The following TMEM51 variants were observed in gnomAD, a reference collection of about 807,000 sequenced individuals.
TMEM51 encodes transmembrane protein 51.
In TMEM51, 8 loss-of-function variants were observed where a neutral mutation model predicts 13.6. The observed-to-expected ratio is 0.59, with a 90% CI of 0.35 to 1.07. The LOEUF (loss-of-function observed/expected upper bound fraction) is 1.07, where lower values mean the gene tolerates loss of function less well. Ranked by LOEUF, TMEM51 falls within the 50% of genes least tolerant of loss-of-function variation. The pLI, the probability that TMEM51 is intolerant of heterozygous loss-of-function variation, is 0.02. For missense variants in TMEM51, 279 were observed against 330.7 expected (o/e 0.84, Z 1.21); for synonymous variants, 147 against 144.4 (o/e 1.02, Z -0.13).
chr1:15,164,224 T>C (rs1239590681), intron 1 of TMEM51: 1 of 404,268 alleles, frequency 2.5e-6, no homozygotes, highest in East Asian at 7.2e-5. Context: ...TTGATTTCGC[T>C]GGATTTCCCA....
At chr1:15,167,220 G>A (rs959922965) in intron 1 of TMEM51, among the ~76,000 whole-genome samples, 1 of 150,824 alleles carries the variant, frequency 6.6e-6, no homozygotes, top group African/African-American at 2.4e-5. Flanking sequence ...CCAGCTACTC[G>A]GGAAGCTGAG....
At chr1:15,156,970 C>G (rs1642611924) in intron 1 of TMEM51, among the ~76,000 whole-genome samples, 1 of 152,184 alleles carries the variant, frequency 6.6e-6, no homozygotes, top group Non-Finnish European at 1.5e-5. Flanking sequence ...GGTGGTGCAG[C>G]CTCCCCTGCC....
chr1:15,188,495 C>T (rs1179462068), intron 1 of TMEM51, among the ~76,000 whole-genome samples: 1 of 152,212 alleles, frequency 6.6e-6, no homozygotes, highest in Non-Finnish European at 1.5e-5. Context: ...CCAGGGCAGC[C>T]CAGCTCACCC....
intron 1 of TMEM51, among the ~76,000 whole-genome samples, chr1:15,202,814 G>C (rs74053442): frequency 6.6e-6 from 1 of 152,110 alleles, no homozygotes; most frequent in Non-Finnish European, 1.5e-5. Context: ...TGAAGACCAC[G>C]ATTCAGCCTC....
At chr1:15,202,530 G>A (rs1644175630) in intron 1 of TMEM51, among the ~76,000 whole-genome samples, 1 of 152,194 alleles carries the variant, frequency 6.6e-6, no homozygotes, top group Non-Finnish European at 1.5e-5. Flanking sequence ...AGGAGAGCAT[G>A]CGTCTTCTTG....
rs778573438 is a variant in TMEM51, at chr1:15,219,753, C to T, written c.*10C>T. ...CCGGCCGCCCGACTGAATGGCCCCA[C>T]TTGAGCCACGCTCCCTCCTGTCTCT... On this transcript the variant is annotated 3_prime_UTR_variant, in exon 4 of 4. Transcript: ENST00000376008. The T allele has an allele frequency of 6.2e-7, 1 of 1,610,794 alleles. No homozygotes were observed.
intron 1 of TMEM51, among the ~76,000 whole-genome samples, chr1:15,183,307 G>A (rs992928505): frequency 2.0e-5 from 3 of 152,176 alleles, no homozygotes; most frequent in East Asian, 1.9e-4. Flanking sequence ...CGTCATGTGC[G>A]TAATATGCTA....
intron 1 of TMEM51, among the ~76,000 whole-genome samples, chr1:15,160,904 T>C (rs1315984773): frequency 7.2e-6 from 1 of 138,702 alleles, no homozygotes; most frequent in Non-Finnish European, 1.6e-5. Flanking sequence ...GCAGCAGGGA[T>C]TGTACCTTAA....
intron 1 of TMEM51, chr1:15,192,425 A>C: frequency 7.3e-6 from 2 of 273,482 alleles, no homozygotes; most frequent in Non-Finnish European, 1.4e-5. Context: ...TGGCAGTGCT[A>C]CTTTTTTTCT....
chr1:15,212,415 C>T (rs547120452), intron 2 of TMEM51, among the ~76,000 whole-genome samples: 2 of 152,324 alleles, frequency 1.3e-5, no homozygotes, highest in South Asian at 4.1e-4. Flanking sequence ...GAATGGAGAA[C>T]GAATGAGGGC....
intron 1 of TMEM51, among the ~76,000 whole-genome samples, chr1:15,176,454 C>T (rs1447269885): frequency 6.6e-6 from 1 of 152,104 alleles, no homozygotes; most frequent in Non-Finnish European, 1.5e-5. Flanking sequence ...CTGGCCATGG[C>T]AGGAGGCTTC....
intron 1 of TMEM51, among the ~76,000 whole-genome samples, chr1:15,184,415 G>A (rs1573408009): frequency 6.6e-6 from 1 of 152,240 alleles, no homozygotes; most frequent in Non-Finnish European, 1.5e-5. Context: ...GGCAGAGGGT[G>A]GATCCAGGTC....
At chr1:15,193,780 C>G (rs1643989138) in intron 1 of TMEM51, among the ~76,000 whole-genome samples, 1 of 152,162 alleles carries the variant, frequency 6.6e-6, no homozygotes, top group South Asian at 2.1e-4. Flanking sequence ...TGGTCTCGAA[C>G]TCCTGACCTC....
chr1:15,176,994 G>A (rs1553199620), intron 1 of TMEM51, among the ~76,000 whole-genome samples: 1 of 152,230 alleles, frequency 6.6e-6, no homozygotes, highest in Non-Finnish European at 1.5e-5. Flanking sequence ...ATGGGCGGGA[G>A]TTGCAGATGT....
At chr1:15,196,315 T>C (rs907605193) in intron 1 of TMEM51, among the ~76,000 whole-genome samples, 2 of 152,160 alleles carry the variant, frequency 1.3e-5, no homozygotes, top group African/African-American at 2.4e-5. Flanking sequence ...AGTAGCTCGA[T>C]AGTGCTGTGA....
At chr1:15,202,531 C>T (rs752189593) in intron 1 of TMEM51, among the ~76,000 whole-genome samples, 11 of 152,146 alleles carry the variant, frequency 7.2e-5, no homozygotes, top group Non-Finnish European at 1.3e-4. Flanking sequence ...GGAGAGCATG[C>T]GTCTTCTTGC....
At chr1:15,159,716 C>T (rs145547118) in intron 1 of TMEM51, among the ~76,000 whole-genome samples, 153 of 152,308 alleles carry the variant, frequency 1.0e-3, no homozygotes, top group African/African-American at 3.6e-3. Context: ...GCCACCACAC[C>T]CAGCTAATTT....
intron 1 of TMEM51, among the ~76,000 whole-genome samples, chr1:15,167,775 G>T (rs990697398): frequency 6.6e-6 from 1 of 152,218 alleles, no homozygotes; most frequent in Non-Finnish European, 1.5e-5. Context: ...CACTTTGCCA[G>T]CTGATGTGGG....
At chr1:15,171,466 C>A in intron 1 of TMEM51, 1 of 625,804 alleles carries the variant, frequency 1.6e-6, no homozygotes, top group Non-Finnish European at 2.3e-6. Context: ...CTACAGCCAG[C>A]CGTTGTCTGG....
Sources: allele counts gnomAD v4.1 joint callset (sites outside exome capture counted in the v4.1 genomes callset), GRCh38; gene constraint gnomAD v4.1.1; transcripts MANE v1.5; gene names NCBI Gene and HGNC (gene_info 2026-07-23, HGNC 2026-07-21).